MTHFD1L: variants seen among roughly 807,000 people sequenced by gnomAD.
MTHFD1L encodes monofunctional C1-tetrahydrofolate synthase, mitochondrial.
In MTHFD1L, 81 loss-of-function variants were observed where a neutral mutation model predicts 119.5. The ratio of observed to expected loss-of-function variants is 0.68; its 90% confidence interval spans 0.57 to 0.82. The LOEUF is 0.82. Ranked by LOEUF, MTHFD1L falls within the 40% of genes least tolerant of loss-of-function variation. The probability of loss-of-function intolerance (pLI) is 0.00; values close to 1 mark genes in which losing one functional copy is unlikely to be tolerated. For synonymous variants in MTHFD1L, 430 were observed against 475.2 expected, an observed-to-expected ratio of 0.90 and a Z score of 1.24; for missense variants, 1,125 against 1,253.4, an observed-to-expected ratio of 0.90 and a Z score of 1.55.
At chr6:150,866,325 C>T in intron 1 of MTHFD1L, 1 of 1,456,758 alleles carries the variant, frequency 6.9e-7, no homozygotes, top group Non-Finnish European at 9.0e-7. Context: ...GACCGCACGC[C>T]CGGCTCCACG....
Position 151,026,820 on chromosome 6 carries a change from C to CTTTTTTTTTTTT in MTHFD1L, c.2587-7657_2587-7646dup, listed in dbSNP as rs1158007442. ...TGAGATTTTTCCTGTCCTTTCTATC[C>CTTTTTTTTTTTT]TTTTTTTTTTTTTTTTTTTTTTTTT... On this transcript the variant is annotated intron_variant, in intron 24 of 27. Coordinates refer to ENST00000367321, the MANE Select transcript of MTHFD1L (RefSeq NM_015440.5). Among the ~76,000 whole-genome samples, 2 of 51,262 alleles carry CTTTTTTTTTTTT rather than the reference C, an allele frequency of 3.9e-5. 1 individual carries two copies. The highest frequency in any genetic ancestry group is 1.6e-3 in the East Asian group (2 of 1,216). 33.6% of individuals were successfully genotyped at this position (51,262 alleles called of 152,430 possible).
chr6:151,068,369 A>G (rs536442716), intron 26 of MTHFD1L, among the ~76,000 whole-genome samples: 1 of 152,354 alleles, frequency 6.6e-6, no homozygotes, highest in South Asian at 2.1e-4. Context: ...GAGACACCTC[A>G]GGATTTTCCA....
chr6:150,958,677 A>G (rs77156405), intron 17 of MTHFD1L, among the ~76,000 whole-genome samples: 1,758 of 152,342 alleles, frequency 0.012, 28 homozygotes, highest in African/African-American at 0.039. Context: ...TACCTAAAAA[A>G]ATGAAAAGGT....
In MTHFD1L at chr6:150,876,181, C is replaced by G. The variant is rs149659037; in HGVS notation, c.312+7C>G. The G allele has an allele frequency of 3.9e-4, 621 of 1,573,276 alleles. 2 individuals carry two copies. The highest frequency in any genetic ancestry group is 7.9e-4 in the Middle Eastern group (4 of 5,070). ...GGTTCTTGCAATTATCCAGGTAAGC[C>G]GAGAACAAGGTTCAGTCCTACTATT... On this transcript the variant is annotated splice_region_variant and intron_variant, in intron 2 of 27. Coordinates refer to ENST00000367321, the MANE Select transcript of MTHFD1L (RefSeq NM_015440.5).
intron 16 of MTHFD1L, among the ~76,000 whole-genome samples, chr6:150,950,466 A>C (rs1794685936): frequency 6.6e-6 from 1 of 152,206 alleles, no homozygotes. Flanking sequence ...CCAGAGACTG[A>C]GCGTTGGCTC....
chr6:150,881,274 G>A (rs990187773), intron 4 of MTHFD1L, among the ~76,000 whole-genome samples: 8 of 152,070 alleles, frequency 5.3e-5, no homozygotes, highest in African/African-American at 1.9e-4. Flanking sequence ...AGAAGTGAGC[G>A]ATGAGGGCCT....
At chr6:150,882,417 T>C (rs1003101185) in intron 4 of MTHFD1L, among the ~76,000 whole-genome samples, 1 of 152,258 alleles carries the variant, frequency 6.6e-6, no homozygotes, top group Non-Finnish European at 1.5e-5. Flanking sequence ...AGTATGCTTG[T>C]TGACAGAGAA....
chr6:150,964,873 C>T, intron 18 of MTHFD1L, 96 bp from the exon 19 acceptor site: 20 of 1,213,038 alleles, frequency 1.6e-5, no homozygotes, highest in Non-Finnish European at 2.3e-5. Flanking sequence ...TGTGGGGACG[C>T]CCACCCAAGA....
chr6:151,059,149 C>T (rs1308133552), intron 26 of MTHFD1L, among the ~76,000 whole-genome samples: 1 of 152,064 alleles, frequency 6.6e-6, no homozygotes, highest in African/African-American at 2.4e-5. Context: ...ATGATGTTCT[C>T]CAGGGCCTTT....
At chr6:150,886,738 C>T (rs1782368640) in intron 6 of MTHFD1L, among the ~76,000 whole-genome samples, 1 of 151,920 alleles carries the variant, frequency 6.6e-6, no homozygotes, top group African/African-American at 2.4e-5. Flanking sequence ...CCTGTAATCC[C>T]AGCACTTTGT....
At chr6:151,033,136 T>G (rs555870776) in intron 24 of MTHFD1L, among the ~76,000 whole-genome samples, 45 of 151,860 alleles carry the variant, frequency 3.0e-4, no homozygotes, top group Middle Eastern at 3.4e-3. Context: ...TTTTTTTTTT[T>G]GAGACAGAGT....
chr6:150,879,501 C>G (rs1210214302), intron 4 of MTHFD1L, among the ~76,000 whole-genome samples: 2 of 151,754 alleles, frequency 1.3e-5, no homozygotes, highest in Non-Finnish European at 2.9e-5. Flanking sequence ...GTTGACCAGG[C>G]TGGTCTTGAA....
At chr6:151,053,433 G>A (rs1443326451) in intron 26 of MTHFD1L, among the ~76,000 whole-genome samples, 3 of 152,118 alleles carry the variant, frequency 2.0e-5, no homozygotes, top group Non-Finnish European at 4.4e-5. Context: ...TTTACTTTGG[G>A]CCTGAAAATA....
chr6:151,078,196 ATT>A (rs953430526), intron 26 of MTHFD1L, among the ~76,000 whole-genome samples: 1 of 151,924 alleles, frequency 6.6e-6, no homozygotes, highest in Admixed American at 6.6e-5. Context: ...CTAGAGGAGT[ATT>A]TCACTCAAAT....
At chr6:151,019,564 G>A (rs1397022312) in intron 24 of MTHFD1L, among the ~76,000 whole-genome samples, 2 of 152,086 alleles carry the variant, frequency 1.3e-5, no homozygotes, top group Admixed American at 1.3e-4. Flanking sequence ...ATTGATAGGC[G>A]ACCTCAAGGC....
chr6:150,989,482 C>T (rs1364033256), intron 20 of MTHFD1L, among the ~76,000 whole-genome samples: 1 of 152,100 alleles, frequency 6.6e-6, no homozygotes, highest in Non-Finnish European at 1.5e-5. Context: ...TATTTATGTA[C>T]AGAATAATTA....
intron 20 of MTHFD1L, among the ~76,000 whole-genome samples, chr6:150,986,403 T>A (rs554642945): frequency 1.1e-4 from 16 of 152,342 alleles, no homozygotes; most frequent in African/African-American, 3.6e-4. Context: ...CCTACATCTG[T>A]ATGTATGTGC....
intron 7 of MTHFD1L, among the ~76,000 whole-genome samples, chr6:150,901,037 A>G (rs1785031474): frequency 6.6e-6 from 1 of 152,088 alleles, no homozygotes; most frequent in African/African-American, 2.4e-5. Flanking sequence ...AAAAGAAAAG[A>G]AAAAGTGCAC....
chr6:150,892,051 G>C (rs1375052132), intron 7 of MTHFD1L, among the ~76,000 whole-genome samples: 1 of 152,208 alleles, frequency 6.6e-6, no homozygotes, highest in Non-Finnish European at 1.5e-5. Context: ...GCCTTGCAAT[G>C]AAACGTGAAC....
Sources: gnomAD v4.1 joint callset for allele counts (sites outside exome capture counted in the v4.1 genomes callset) on GRCh38, gnomAD v4.1.1 for gene constraint, MANE v1.5 for transcripts, NCBI Gene and HGNC (gene_info 2026-07-23, HGNC 2026-07-21) for gene names.